ASF1B: variants seen among roughly 807,000 people sequenced by gnomAD.
ASF1B encodes histone chaperone ASF1B.
A neutral mutation model predicts 16.6 loss-of-function variants in ASF1B; 10 were observed. The observed-to-expected ratio is 0.60, with a 90% CI of 0.37 to 1.02. The LOEUF is 1.02. Ranked by LOEUF, ASF1B falls within the 50% of genes least tolerant of loss-of-function variation. ASF1B has a pLI of 0.01. For missense variants in ASF1B, 240 were observed against 266.0 expected, an observed-to-expected ratio of 0.90 and a Z score of 0.68; for synonymous variants, 101 against 106.2, an observed-to-expected ratio of 0.95 and a Z score of 0.30.
Position 14,121,517 on chromosome 19 carries a change from G to A in ASF1B, c.402+15C>T. ...AACGGCCTTGTGGGAAGCAGGAAGT[G>A]GAAACAGGCCCCACCTGGGAGAAAT... On this transcript the variant is annotated intron_variant, in intron 3 of 3. Coordinates refer to ENST00000263382, the MANE Select transcript of ASF1B (RefSeq NM_018154.3). 1 of 1,610,108 alleles carries A rather than the reference G, an allele frequency of 6.2e-7. No homozygotes were observed. The highest frequency in any genetic ancestry group is 8.5e-7 in the Non-Finnish European group (1 of 1,177,234).
chr19:14,136,256 T>C (rs1368925835), intron 1 of ASF1B, 92 bp downstream of exon 1: 22 of 917,158 alleles, frequency 2.4e-5, no homozygotes, highest in Non-Finnish European at 3.2e-5. Context: ...AGGGGTTTCA[T>C]GGGGGAGATC....
At chr19:14,129,602 T>G (rs1967367391) in intron 1 of ASF1B, among the ~76,000 whole-genome samples, 2 of 130,978 alleles carry the variant, frequency 1.5e-5, no homozygotes, top group Admixed American at 9.3e-5. Flanking sequence ...TGCTTGAACC[T>G]GGGAGGCAGC....
intron 1 of ASF1B, among the ~76,000 whole-genome samples, chr19:14,136,079 T>G (rs1234815444): frequency 9.3e-6 from 1 of 107,632 alleles, no homozygotes; most frequent in African/African-American, 3.7e-5. Flanking sequence ...AAGAGGCCAC[T>G]GGGAGGTCCG....
Position 14,120,542 on chromosome 19 carries a change from G to A in ASF1B, c.526C>T (p.Leu176Phe), listed in dbSNP as rs992673073. Residue 176 changes from leucine (L) to phenylalanine (F), a missense_variant, in exon 4 of 4, where the codon CTC (leucine) becomes TTC (phenylalanine). Coordinates refer to ENST00000263382, the MANE Select transcript of ASF1B (RefSeq NM_018154.3). ...QDPSLGCGLP[L>F]NCTPIKGLGL... ...AAGCCCTTGATAGGAGTGCAGTTGA[G>A]TGGGAGGCCGCAGCCCAGGGAGGGG... 2.5e-6 allele frequency: 4 copies of A among 1,613,524 alleles called. No homozygotes were observed. Among genetic ancestry groups the A allele is most frequent in the Admixed American group, 3.3e-5 (2 of 59,930 alleles).
chr19:14,126,307 A>ATT (rs376176283), intron 1 of ASF1B, 70 bp from the exon 2 acceptor site: 2,982 of 835,696 alleles, frequency 3.6e-3, no homozygotes, highest in African/African-American at 4.4e-3. Flanking sequence ...AGGCTCTTGT[A>ATT]TTTTTTTTTT....
At chr19:14,124,913 G>A (rs1211528557) in intron 2 of ASF1B, among the ~76,000 whole-genome samples, 3 of 152,196 alleles carry the variant, frequency 2.0e-5, no homozygotes, top group East Asian at 1.9e-4. Context: ...GAGAGTTATA[G>A]TGCTGTTGGC....
rs190006892 is a variant in ASF1B, at chr19:14,121,506, A to G, written c.402+26T>C. ...CAAGTATAAAGAACGGCCTTGTGGG[A>G]AGCAGGAAGTGGAAACAGGCCCCAC... is the stretch of plus-strand genomic sequence containing the variant. On this transcript the variant is annotated intron_variant, in intron 3 of 3. Coordinates refer to ENST00000263382, the MANE Select transcript of ASF1B (RefSeq NM_018154.3). 45 of 1,607,172 alleles carry G rather than the reference A, an allele frequency of 2.8e-5. No homozygotes were observed. The African/African-American group carries it at 5.3e-4, about 19-fold the overall frequency.
At chr19:14,120,720 A>G in intron 3 of ASF1B, 55 bp from the exon 4 acceptor site, 1 of 1,562,938 alleles carries the variant, frequency 6.4e-7, no homozygotes, top group Non-Finnish European at 8.8e-7. Context: ...CCTTGGTCCC[A>G]TAGAGCCAGG....
At chr19:14,128,748 T>C (rs1967354882) in intron 1 of ASF1B, among the ~76,000 whole-genome samples, 1 of 152,208 alleles carries the variant, frequency 6.6e-6, no homozygotes, top group African/African-American at 2.4e-5. Flanking sequence ...TGAGCCATCA[T>C]GTCCAGCCTG....
At chr19:14,129,508 C>A (rs1222081759) in intron 1 of ASF1B, among the ~76,000 whole-genome samples, 1 of 148,866 alleles carries the variant, frequency 6.7e-6, no homozygotes, top group Non-Finnish European at 1.5e-5. Context: ...GAAACCCCAT[C>A]TCTACTAAAA....
chr19:14,135,068 A>G (rs1967466596), intron 1 of ASF1B, among the ~76,000 whole-genome samples: 1 of 151,992 alleles, frequency 6.6e-6, no homozygotes, highest in Non-Finnish European at 1.5e-5. Context: ...CACTAAAAAT[A>G]CTAAAATTAG....
At chr19:14,121,335 C>A in intron 3 of ASF1B, 197 bp downstream of exon 3, 1 of 500,738 alleles carries the variant, frequency 2.0e-6, no homozygotes, top group Non-Finnish European at 3.4e-6. Flanking sequence ...GTTGCCCAGG[C>A]TGGCCTAATC....
intron 1 of ASF1B, among the ~76,000 whole-genome samples, chr19:14,126,952 C>T (rs1239793709): frequency 6.6e-6 from 1 of 152,118 alleles, no homozygotes; most frequent in African/African-American, 2.4e-5. Context: ...GAGACAGTCT[C>T]CCTCTGTTGC....
intron 2 of ASF1B, among the ~76,000 whole-genome samples, chr19:14,125,848 C>T (rs943930282): frequency 2.6e-5 from 4 of 151,884 alleles, no homozygotes; most frequent in Non-Finnish European, 4.4e-5. Context: ...CAACTGTGCC[C>T]GGCCTCTATG....
intron 2 of ASF1B, among the ~76,000 whole-genome samples, chr19:14,122,181 T>C (rs1381478183): frequency 6.6e-6 from 1 of 152,110 alleles, no homozygotes; most frequent in Non-Finnish European, 1.5e-5. Flanking sequence ...TCCACCCGTC[T>C]TGGACTCCTA....
chr19:14,129,183 G>C (rs1967361240), intron 1 of ASF1B, among the ~76,000 whole-genome samples: 1 of 152,068 alleles, frequency 6.6e-6, no homozygotes, highest in South Asian at 2.1e-4. Flanking sequence ...GAGCCTAGGA[G>C]TTCAGGGCTG....
At chr19:14,123,112 G>C (rs1371384243) in intron 2 of ASF1B, among the ~76,000 whole-genome samples, 5 of 152,198 alleles carry the variant, frequency 3.3e-5, no homozygotes, top group Non-Finnish European at 7.3e-5. Flanking sequence ...AAGCTATTAG[G>C]TTTCAGACGG....
At chr19:14,130,796 T>C (rs1475977120) in intron 1 of ASF1B, among the ~76,000 whole-genome samples, 1 of 149,938 alleles carries the variant, frequency 6.7e-6, no homozygotes, top group Non-Finnish European at 1.5e-5. Flanking sequence ...TGTATATATA[T>C]ATATATATAT....
Position 14,120,562 on chromosome 19 carries a change from G to A in ASF1B, c.506C>T (p.Ser169Phe). The change falls in exon 4 of 4, where the codon TCC (serine) becomes TTC (phenylalanine). Residue 169 changes from serine (S) to phenylalanine (F), a missense_variant. Coordinates refer to ENST00000263382, the MANE Select transcript of ASF1B (RefSeq NM_018154.3). ...GTTGAGTGGGAGGCCGCAGCCCAGG[G>A]AGGGGTCCTGGGTCTCTATGGCCTC... ...RLEAIETQDP[S>F]LGCGLPLNCT... 2 of 1,614,004 alleles carry A rather than the reference G, an allele frequency of 1.2e-6. No individual in the cohort carries two copies. Among genetic ancestry groups the A allele is most frequent in the South Asian group, 1.1e-5 (1 of 91,076 alleles).
Sources: allele counts gnomAD v4.1 joint callset (sites outside exome capture counted in the v4.1 genomes callset), GRCh38; gene constraint gnomAD v4.1.1; transcripts MANE v1.5; gene names NCBI Gene and HGNC (gene_info 2026-07-23, HGNC 2026-07-21).